The following PDK1 variants were observed in gnomAD, a reference collection of about 807,000 sequenced individuals.
The protein encoded by PDK1 is [Pyruvate dehydrogenase (acetyl-transferring)] kinase isozyme 1, mitochondrial.
Under a neutral mutation model 54.2 loss-of-function variants are expected in PDK1, and 39 were observed. The observed-to-expected ratio is 0.72, with a 90% CI of 0.56 to 0.94. PDK1 has a LOEUF of 0.94. Among genes scored for constraint, PDK1 ranks in the 40% least tolerant of loss-of-function variants. The pLI is 0.00. For synonymous variants in PDK1, 221 were observed against 207.1 expected (o/e 1.07, Z -0.58); for missense variants, 552 against 566.0 (o/e 0.98, Z 0.25).
At chr2:172,656,542 C>A in the PDK1 span, among the ~76,000 whole-genome samples, 1,482 of 152,238 alleles carry the variant, frequency 9.7e-3, 19 homozygotes, top group African/African-American at 0.032. Context: ...TTAGGTTAGG[C>A]CCTGGTAAAA....
At chr2:172,701,619 C>T in the PDK1 span, among the ~76,000 whole-genome samples, 1 of 143,656 alleles carries the variant, frequency 7.0e-6, no homozygotes, top group Non-Finnish European at 1.5e-5. Context: ...GAGCTGCTAA[C>T]TAGTTTATCC....
At chr2:172,649,557 C>T in the PDK1 span, among the ~76,000 whole-genome samples, 7 of 152,060 alleles carry the variant, frequency 4.6e-5, no homozygotes, top group African/African-American at 9.6e-5. Context: ...GGAGGATGTT[C>T]GAACCCATCA....
chr2:172,655,790 A>G, the PDK1 span, among the ~76,000 whole-genome samples: 7 of 152,228 alleles, frequency 4.6e-5, no homozygotes, highest in South Asian at 1.4e-3. Flanking sequence ...TGGCCAGCTC[A>G]GTGGACCCTC....
chr2:172,722,674 T>G, the PDK1 span, among the ~76,000 whole-genome samples: 1 of 152,068 alleles, frequency 6.6e-6, no homozygotes, highest in East Asian at 1.9e-4. Context: ...GCAGGTGAGG[T>G]AGGGGTGATG....
intron 8 of PDK1, among the ~76,000 whole-genome samples, chr2:172,571,727 A>G (rs1261126134): frequency 6.6e-6 from 1 of 151,446 alleles, no homozygotes; most frequent in Non-Finnish European, 1.5e-5. Context: ...AAAAATTTAT[A>G]TTAAAGTAAT....
chr2:172,616,045 T>A, the PDK1 span, among the ~76,000 whole-genome samples: 15 of 152,190 alleles, frequency 9.9e-5, no homozygotes, highest in Non-Finnish European at 2.9e-5. Context: ...ATCAAGGAAG[T>A]ACAAATTAAG....
In PDK1 at chr2:172,566,839, G is replaced by C; in HGVS notation, c.692-17G>C. The C allele has an allele frequency of 7.1e-6, 11 of 1,557,048 alleles. No individual in the cohort carries two copies. Among genetic ancestry groups the C allele is most frequent in the Non-Finnish European group, 8.8e-6 (10 of 1,136,182 alleles). ...TATTTATTAAATCCTTTTTTGTTTT[G>C]TTTTGATTCACACTAGATGGCTATG... On this transcript the variant is annotated splice_polypyrimidine_tract_variant and intron_variant, in intron 5 of 10. Coordinates refer to ENST00000282077, the MANE Select transcript of PDK1 (RefSeq NM_002610.5).
intron 8 of PDK1, among the ~76,000 whole-genome samples, chr2:172,575,297 G>A (rs1337417625): frequency 6.6e-6 from 1 of 152,142 alleles, no homozygotes. Flanking sequence ...CTTGTGATGT[G>A]TTTGGTTTTA....
intron 8 of PDK1, among the ~76,000 whole-genome samples, chr2:172,580,682 G>A (rs767257652): frequency 1.3e-5 from 2 of 152,190 alleles, no homozygotes; most frequent in Non-Finnish European, 2.9e-5. Context: ...ATTCACAATA[G>A]TGTACAGGTA....
the PDK1 span, among the ~76,000 whole-genome samples, chr2:172,642,787 A>ACTCCTACTC: frequency 1.7e-4 from 25 of 144,062 alleles, no homozygotes; most frequent in Non-Finnish European, 3.7e-4. Context: ...TCCTCCTCCC[A>ACTCCTACTC]CTCCTCCTCC....
At chr2:172,701,809 C>T in the PDK1 span, among the ~76,000 whole-genome samples, 42 of 151,808 alleles carry the variant, frequency 2.8e-4, no homozygotes, top group Non-Finnish European at 5.4e-4. Context: ...TTCCTTTTTA[C>T]CTCTAGAAAT....
chr2:172,637,419 A>G, the PDK1 span, among the ~76,000 whole-genome samples: 1 of 150,632 alleles, frequency 6.6e-6, no homozygotes, highest in African/African-American at 2.4e-5. Flanking sequence ...TTGGCCCCGT[A>G]CCTGATACAC....
At chr2:172,691,424 C>T in the PDK1 span, 1 of 150,986 alleles carries the variant, frequency 6.6e-6, no homozygotes. Context: ...ACATAGCACT[C>T]AAAATCCATA....
At chr2:172,592,750 T>C (rs1690671441) in intron 9 of PDK1, among the ~76,000 whole-genome samples, 185 bp from the exon 10 acceptor site, 1 of 152,206 alleles carries the variant, frequency 6.6e-6, no homozygotes, top group Admixed American at 6.5e-5. Context: ...AGTCAGCTGA[T>C]ACAGTACTCA....
At chr2:172,628,456 T>C in the PDK1 span, among the ~76,000 whole-genome samples, 1 of 152,238 alleles carries the variant, frequency 6.6e-6, no homozygotes, top group South Asian at 2.1e-4. Context: ...TTTTCTCTTT[T>C]TCCCCTTGAT....
At chr2:172,613,717 A>T in the PDK1 span, among the ~76,000 whole-genome samples, 29 of 152,184 alleles carry the variant, frequency 1.9e-4, no homozygotes, top group African/African-American at 7.0e-4. Flanking sequence ...CCCACTTAAA[A>T]ATGTGTAATA....
chr2:172,639,801 A>C, the PDK1 span, among the ~76,000 whole-genome samples: 1 of 151,872 alleles, frequency 6.6e-6, no homozygotes, highest in African/African-American at 2.4e-5. Flanking sequence ...CGCTCTCCAA[A>C]AACAAACAAA....
chr2:172,595,859 C>A lies in PDK1; in HGVS notation c.1201C>A (p.Pro401Thr), dbSNP rs1690861613. 6.2e-7 allele frequency: 1 copy of A among 1,613,662 alleles called. No homozygotes were observed. ...ALSTDSIERL[P>T]VYNKAAWKHY... ...GTCAACAGACTCAATAGAAAGACTC[C>A]CAGTGTATAACAAAGCTGCCTGGAA... Residue 401 changes from proline to threonine, a missense_variant, in exon 11 of 11, where the codon CCA becomes ACA. Physicochemically the swap from Pro to Thr is conservative, Grantham distance 38 (BLOSUM62 -1). Transcript: ENST00000282077.
intron 8 of PDK1, among the ~76,000 whole-genome samples, chr2:172,571,959 G>A (rs1689294300): frequency 1.3e-5 from 2 of 149,946 alleles, no homozygotes; most frequent in Admixed American, 1.3e-4. Context: ...AGCCTCCCGA[G>A]TAGCTGGGAT....
Sources: gnomAD v4.1 joint callset for allele counts (sites outside exome capture counted in the v4.1 genomes callset) on GRCh38, gnomAD v4.1.1 for gene constraint, MANE v1.5 for transcripts, NCBI Gene and HGNC (gene_info 2026-07-23, HGNC 2026-07-21) for gene names.